Variants in CCNYL1 observed in about 807,000 individuals in gnomAD.
CCNYL1 encodes cyclin-Y-like protein 1.
CCNYL1 carries 16 observed loss-of-function variants against 44.2 expected under a neutral mutation model. The observed-to-expected ratio is 0.36, with a 90% CI of 0.25 to 0.55. The LOEUF (loss-of-function observed/expected upper bound fraction) is 0.55. CCNYL1 is among the 20% of genes least tolerant of loss of function. The pLI is 0.85. For missense variants in CCNYL1, 348 were observed against 451.8 expected (o/e 0.77, Z 2.08); for synonymous variants, 159 against 163.2 (o/e 0.97, Z 0.20).
At chr2:207,742,150 T>G (rs1316281738) in intron 6 of CCNYL1, 73 bp from the exon 7 acceptor site, 3 of 1,135,248 alleles carry the variant, frequency 2.6e-6, no homozygotes, top group Non-Finnish European at 3.6e-6. Flanking sequence ...AAACTCAGTC[T>G]CAAAAAAAAA....
At chr2:207,725,985 C>T (rs983136947) in intron 2 of CCNYL1, among the ~76,000 whole-genome samples, 25 of 152,284 alleles carry the variant, frequency 1.6e-4, no homozygotes, top group Admixed American at 3.3e-4. Context: ...TTTCGAAGCT[C>T]GTGTGGACTT....
At chr2:207,748,110 T>G (rs1284345746) in intron 8 of CCNYL1, among the ~76,000 whole-genome samples, 1 of 152,212 alleles carries the variant, frequency 6.6e-6, no homozygotes, top group African/African-American at 2.4e-5. Context: ...TTCCACATTT[T>G]ATCTGAAGGT....
Position 207,716,245 on chromosome 2 carries a change from A to G in CCNYL1, c.220+4129A>G, listed in dbSNP as rs576609842. 1.1e-4 allele frequency among the ~76,000 whole-genome samples: 17 copies of G among 151,752 alleles called. No homozygotes were observed. In the South Asian group the frequency reaches 3.5e-3, roughly 32 times the overall value. ...TGACTCTTTCTATTCTTTTCCACTG[A>G]TGGGTGAAGGTAGGGAAAGAATTGG... On this transcript the variant is annotated intron_variant, in intron 1 of 9. Transcript: ENST00000295414.
At chr2:207,715,246 C>T (rs2091584371) in intron 1 of CCNYL1, among the ~76,000 whole-genome samples, 1 of 149,498 alleles carries the variant, frequency 6.7e-6, no homozygotes, top group South Asian at 2.1e-4. Context: ...CTAGCCTGGA[C>T]AGTGGAGCAA....
intron 1 of CCNYL1, among the ~76,000 whole-genome samples, chr2:207,715,552 G>A (rs1363785458): frequency 1.3e-5 from 2 of 150,024 alleles, no homozygotes; most frequent in Non-Finnish European, 3.0e-5. Context: ...GCTAATTTTT[G>A]TATTTTTAGT....
intron 1 of CCNYL1, 135 bp from the exon 2 acceptor site, chr2:207,724,657 GTATTGTCT>G (rs2105822998): frequency 1.6e-6 from 1 of 639,932 alleles, no homozygotes; most frequent in African/African-American, 1.9e-5. Context: ...GAGTATTTTT[GTATTGTCT>G]TTATTTCCTT....
chr2:207,731,665 A>G (rs1394774632), intron 3 of CCNYL1, among the ~76,000 whole-genome samples: 2 of 152,174 alleles, frequency 1.3e-5, no homozygotes, highest in Admixed American at 6.5e-5. Context: ...GTTGCCAGCT[A>G]TAATTGCTTT....
rs145755506 is a variant in CCNYL1, at chr2:207,753,941, G to A, written c.*243G>A. On this transcript the variant is annotated 3_prime_UTR_variant, in exon 10 of 10. Coordinates refer to ENST00000295414, the MANE Select transcript of CCNYL1 (RefSeq NM_001330218.2). Reference sequence around the variant, plus strand: ...AGAGTTACAAAAACCACTCCAAAGTGAAGGCTCCCATCCTACACACAGATA... The same window carrying A: ...AGAGTTACAAAAACCACTCCAAAGTAAAGGCTCCCATCCTACACACAGATA... The A allele has an allele frequency of 1.8e-3, 685 of 386,652 alleles. 2 individuals are homozygous for A. Among genetic ancestry groups the A allele is most frequent in the African/African-American group, 0.012 (595 of 48,646 alleles). 24.0% of individuals were successfully genotyped at this position (386,652 alleles called of 1,614,324 possible).
At chr2:207,715,738 G>A (rs1264891640) in intron 1 of CCNYL1, among the ~76,000 whole-genome samples, 5 of 146,748 alleles carry the variant, frequency 3.4e-5, no homozygotes, top group Admixed American at 1.4e-4. Flanking sequence ...GTGGAATGGC[G>A]CGATCTCGGC....
intron 1 of CCNYL1, 105 bp from the exon 2 acceptor site, chr2:207,724,695 T>G (rs1309288581): frequency 1.2e-6 from 1 of 804,120 alleles, no homozygotes; most frequent in African/African-American, 1.8e-5. Context: ...TACTAAAAAC[T>G]TCTCTGAAGA....
chr2:207,751,046 G>C lies in CCNYL1; in HGVS notation c.896G>C (p.Arg299Pro). 1 of 1,613,898 alleles carries C rather than the reference G, an allele frequency of 6.2e-7. No individual in the cohort carries two copies. Among genetic ancestry groups the C allele is most frequent in the Non-Finnish European group, 8.5e-7 (1 of 1,179,902 alleles). Residue 299 changes from arginine (R) to proline (P), a missense_variant, in exon 9 of 10, where the codon CGC becomes CCC. Arg to Pro is a moderately radical substitution (Grantham distance 103). Coordinates refer to ENST00000295414, the MANE Select transcript of CCNYL1 (RefSeq NM_001330218.2). ...TATGCCAAATACTACTTTGACCTTC[G>C]CTCCTTAGCAGATGACAACAACCTG... Reference protein sequence around the residue: ...SVYAKYYFDLRSLADDNNLNF... With the variant: ...SVYAKYYFDLPSLADDNNLNF...
At chr2:207,736,918 GTTTTTT>G (rs776221094) in intron 4 of CCNYL1, among the ~76,000 whole-genome samples, 3 of 141,584 alleles carry the variant, frequency 2.1e-5, no homozygotes, top group Admixed American at 7.1e-5. Flanking sequence ...ATATTACTGG[GTTTTTT>G]TTTTTTTTTG....
intron 7 of CCNYL1, among the ~76,000 whole-genome samples, chr2:207,746,142 C>T (rs1355807148): frequency 6.6e-6 from 1 of 152,208 alleles, no homozygotes; most frequent in Non-Finnish European, 1.5e-5. Context: ...GGTCCAGAGA[C>T]ATCCTTTTGT....
chr2:207,714,069 A>G (rs957470137), intron 1 of CCNYL1, among the ~76,000 whole-genome samples: 8 of 152,188 alleles, frequency 5.3e-5, no homozygotes, highest in Non-Finnish European at 8.8e-5. Flanking sequence ...CTAATGAAGA[A>G]ATAAAGAGTT....
intron 8 of CCNYL1, among the ~76,000 whole-genome samples, chr2:207,747,627 C>A (rs1036381362): frequency 3.3e-5 from 5 of 152,196 alleles, no homozygotes; most frequent in African/African-American, 1.2e-4. Flanking sequence ...CGGCTCACTG[C>A]AAGCTCCACC....
chr2:207,746,467 G>T (rs1425905411), intron 7 of CCNYL1, among the ~76,000 whole-genome samples: 1 of 152,186 alleles, frequency 6.6e-6, no homozygotes, highest in Non-Finnish European at 1.5e-5. Context: ...TGATAAGAGT[G>T]CCTCTCTTGA....
chr2:207,752,863 C>G (rs529266687), intron 9 of CCNYL1, among the ~76,000 whole-genome samples: 1 of 151,790 alleles, frequency 6.6e-6, no homozygotes, highest in South Asian at 2.1e-4. Flanking sequence ...CATGGTGAAA[C>G]CCTGTCTCTA....
At position 207,755,613 on chromosome 2, in the gene CCNYL1, A is replaced by G. The variant is rs1461089051; in HGVS notation, c.*1915A>G. The stretch of plus-strand genomic sequence containing the variant: ...AGCAGTGTTAATTAACATGTAATAA[A>G]AGGAATTGGACCCTAATTATAGAAG... On this transcript the variant is annotated 3_prime_UTR_variant, in exon 10 of 10. Coordinates refer to ENST00000295414, the MANE Select transcript of CCNYL1 (RefSeq NM_001330218.2). 1 of 152,188 alleles carries G rather than the reference A, an allele frequency of 6.6e-6. No homozygotes were observed. The highest frequency in any genetic ancestry group is 2.4e-5 in the African/African-American group (1 of 41,434). The allele number at this position is 152,188 out of a possible 1,614,324, so 9.4% of individuals were successfully genotyped here. A position where few individuals can be genotyped will look rare whatever the true frequency, so the allele number is the denominator to read the frequency against.
intron 1 of CCNYL1, 152 bp from the exon 2 acceptor site, chr2:207,724,648 A>G (rs962449933): frequency 1.6e-5 from 10 of 618,272 alleles, no homozygotes; most frequent in Non-Finnish European, 2.8e-5. Context: ...ATTCCCCAGG[A>G]GTATTTTTGT....
Sources: allele counts gnomAD v4.1 joint callset (sites outside exome capture counted in the v4.1 genomes callset), GRCh38; gene constraint gnomAD v4.1.1; transcripts MANE v1.5; gene names NCBI Gene and HGNC (gene_info 2026-07-23, HGNC 2026-07-21).